Variants in RBMS3 observed in about 807,000 individuals in gnomAD.
RBMS3 encodes the protein RNA binding motif single stranded interacting protein 3.
In RBMS3, 27 loss-of-function variants were observed where a neutral mutation model predicts 66.8. That is an observed-to-expected ratio of 0.40 (90% CI 0.30 to 0.56). RBMS3 has a LOEUF of 0.56. Ranked by LOEUF, RBMS3 falls within the 20% of genes least tolerant of loss-of-function variation. RBMS3 has a pLI of 0.40. For missense variants in RBMS3, 513 were observed against 549.5 expected (o/e 0.93, Z 0.66); for synonymous variants, 188 against 183.0 (o/e 1.03, Z -0.22).
intron 3 of RBMS3, among the ~76,000 whole-genome samples, chr3:29,513,374 C>A (rs1376084324): frequency 6.6e-6 from 1 of 152,110 alleles, no homozygotes; most frequent in Non-Finnish European, 1.5e-5. Context: ...GGAAATGACT[C>A]CAGTGTTTAA....
At chr3:29,875,811 A>G (rs2059598832) in intron 7 of RBMS3, among the ~76,000 whole-genome samples, 1 of 152,138 alleles carries the variant, frequency 6.6e-6, no homozygotes, top group South Asian at 2.1e-4. Flanking sequence ...TTTCTGTGCC[A>G]TAGTCTTTCT....
At chr3:29,700,124 G>C (rs1217485862) in intron 4 of RBMS3, among the ~76,000 whole-genome samples, 2 of 152,136 alleles carry the variant, frequency 1.3e-5, no homozygotes, top group Non-Finnish European at 1.5e-5. Flanking sequence ...CACAATACTG[G>C]ACTATGTGAT....
chr3:29,990,880 G>C (rs1275435987), intron 13 of RBMS3, among the ~76,000 whole-genome samples: 1 of 152,146 alleles, frequency 6.6e-6, no homozygotes, highest in African/African-American at 2.4e-5. Context: ...TAATGGCAAG[G>C]CTTCTTGGTG....
chr3:29,462,479 C>G (rs2125782507), intron 2 of RBMS3, among the ~76,000 whole-genome samples: 1 of 152,284 alleles, frequency 6.6e-6, no homozygotes, highest in East Asian at 1.9e-4. Context: ...TCTGAGCAGT[C>G]TAGGCTAAAT....
At chr3:29,376,953 G>A (rs1466957057) in intron 1 of RBMS3, among the ~76,000 whole-genome samples, 1 of 152,036 alleles carries the variant, frequency 6.6e-6, no homozygotes, top group South Asian at 2.1e-4. Flanking sequence ...GCCGGACGTG[G>A]TGGCGGATGC....
At chr3:29,315,685 G>T (rs2034630432) in intron 1 of RBMS3, among the ~76,000 whole-genome samples, 1 of 151,732 alleles carries the variant, frequency 6.6e-6, no homozygotes. Context: ...TAAATACTAA[G>T]ATTGTTTCCA....
chr3:29,915,708 C>T (rs1452704296), intron 10 of RBMS3, among the ~76,000 whole-genome samples: 1 of 151,886 alleles, frequency 6.6e-6, no homozygotes, highest in South Asian at 2.1e-4. Context: ...GGAATATTAC[C>T]TGTGATACAA....
chr3:29,523,750 G>T (rs1378647571), intron 3 of RBMS3, among the ~76,000 whole-genome samples: 1 of 151,792 alleles, frequency 6.6e-6, no homozygotes, highest in Admixed American at 6.6e-5. Flanking sequence ...CCTTTTAATA[G>T]TTGAGACAGG....
intron 4 of RBMS3, among the ~76,000 whole-genome samples, chr3:29,681,252 A>G: frequency 6.6e-6 from 1 of 152,252 alleles, no homozygotes; most frequent in African/African-American, 2.4e-5. Context: ...AAAAATGTAC[A>G]AAGAGAAAGC....
At chr3:29,828,068 G>A (rs1435133931) in intron 6 of RBMS3, among the ~76,000 whole-genome samples, 1 of 151,660 alleles carries the variant, frequency 6.6e-6, no homozygotes, top group African/African-American at 2.4e-5. Context: ...GTGTGTGTAT[G>A]TGTGTGTGTG....
At chr3:29,327,083 G>A (rs1027278409) in intron 1 of RBMS3, among the ~76,000 whole-genome samples, 1 of 152,138 alleles carries the variant, frequency 6.6e-6, no homozygotes, top group African/African-American at 2.4e-5. Context: ...TTTAAAAAAG[G>A]TAGGAGACTA....
chr3:29,681,558 A>G lies in RBMS3; in HGVS notation c.400-58162A>G, dbSNP rs145859539. Reference sequence around the variant, plus strand: ...GTATTGTTCCCCCTTCCATGTGTCCATGTGTTCAATCATTCAGCTCCCACT... The same window carrying G: ...GTATTGTTCCCCCTTCCATGTGTCCGTGTGTTCAATCATTCAGCTCCCACT... On this transcript the variant is annotated intron_variant, in intron 4 of 14. Coordinates refer to ENST00000383767, the MANE Select transcript of RBMS3 (RefSeq NM_001003793.3). Among the ~76,000 whole-genome samples the G allele has an allele frequency of 3.1e-3, 419 of 136,256 alleles. 4 individuals carry two copies. The highest frequency in any genetic ancestry group is 0.012 in the African/African-American group (401 of 34,620). The allele number at this position is 136,256 out of a possible 152,430, so 89.4% of individuals were successfully genotyped here.
chr3:29,606,855 G>A (rs1375455159), intron 4 of RBMS3, among the ~76,000 whole-genome samples: 2 of 151,854 alleles, frequency 1.3e-5, no homozygotes, highest in Admixed American at 6.6e-5. Context: ...ATCCATCAAT[G>A]TGCTATTTTT....
In RBMS3 at chr3:29,382,765, G is replaced by A. The variant is rs142872955; in HGVS notation, c.76-51978G>A. Reference sequence around the variant, plus strand: ...TATATCCCCTTTCTATACTACCACCGTTTAAACTAACAAAGTTGTTCTTTA... The same window carrying A: ...TATATCCCCTTTCTATACTACCACCATTTAAACTAACAAAGTTGTTCTTTA... On this transcript the variant is annotated intron_variant, in intron 1 of 14. Transcript: ENST00000383767. Among the ~76,000 whole-genome samples, 35 of 152,158 alleles carry A rather than the reference G, an allele frequency of 2.3e-4. No individual in the cohort carries two copies. The East Asian group carries it at 6.2e-3, about 27-fold the overall frequency.
chr3:29,482,033 G>C lies in RBMS3; in HGVS notation c.249-6408G>C, dbSNP rs572987259. 7.2e-5 allele frequency among the ~76,000 whole-genome samples: 11 copies of C among 152,258 alleles called. No homozygotes were observed. In the South Asian group the frequency reaches 2.3e-3, roughly 32 times the overall value. ...GTAATTTGCCCTAGGTCATGTGGGT[G>C]GGAGAGTTCAGATTCAAGTCTATAT... On this transcript the variant is annotated intron_variant, in intron 2 of 14. Coordinates refer to ENST00000383767, the MANE Select transcript of RBMS3 (RefSeq NM_001003793.3).
intron 6 of RBMS3, among the ~76,000 whole-genome samples, chr3:29,855,362 T>G (rs1374717236): frequency 6.6e-6 from 1 of 152,206 alleles, no homozygotes; most frequent in Non-Finnish European, 1.5e-5. Context: ...AAGGAAAGCT[T>G]TTACAGATTC....
At chr3:29,764,473 CTT>C (rs750997224) in intron 6 of RBMS3, among the ~76,000 whole-genome samples, 1 of 151,728 alleles carries the variant, frequency 6.6e-6, no homozygotes, top group Non-Finnish European at 1.5e-5. Context: ...GGACTTTCCT[CTT>C]GTTTGTCCTA....
At chr3:29,591,724 G>C (rs2047745403) in intron 4 of RBMS3, among the ~76,000 whole-genome samples, 1 of 152,180 alleles carries the variant, frequency 6.6e-6, no homozygotes, top group Non-Finnish European at 1.5e-5. Context: ...GTAATCTCAG[G>C]CTTAACAGAC....
intron 4 of RBMS3, among the ~76,000 whole-genome samples, chr3:29,601,541 AATGATGAAC>A (rs71799917): frequency 0.15 from 22,130 of 151,940 alleles, 1,846 homozygotes; most frequent in East Asian, 0.32. Flanking sequence ...GCCAAGGTCA[AATGATGAAC>A]ACTATGCATT....
Sources: gnomAD v4.1 joint callset for allele counts (sites outside exome capture counted in the v4.1 genomes callset) on GRCh38, gnomAD v4.1.1 for gene constraint, MANE v1.5 for transcripts, NCBI Gene and HGNC (gene_info 2026-07-23, HGNC 2026-07-21) for gene names.